The following ATOSA variants were observed in gnomAD, a reference collection of about 807,000 sequenced individuals.
ATOSA encodes the protein atos homolog A.
chr15:52,597,642 G>A, the ATOSA span, among the ~76,000 whole-genome samples: 1 of 152,176 alleles, frequency 6.6e-6, no homozygotes, highest in Non-Finnish European at 1.5e-5. Context: ...TCCAATGGTT[G>A]TATTATGCTG....
chr15:52,647,160 G>A, the ATOSA span, among the ~76,000 whole-genome samples: 1 of 151,798 alleles, frequency 6.6e-6, no homozygotes, highest in South Asian at 2.1e-4. Flanking sequence ...AAATACTTTT[G>A]TTTTGTTTTA....
the ATOSA span, chr15:52,679,190 C>G: frequency 1.3e-5 from 2 of 153,622 alleles, no homozygotes; most frequent in African/African-American, 4.8e-5. Context: ...GCTCCCTGCG[C>G]TCAGCCCCTC....
chr15:52,692,210 G>C, the ATOSA span, among the ~76,000 whole-genome samples: 5 of 152,120 alleles, frequency 3.3e-5, no homozygotes, highest in Non-Finnish European at 7.4e-5. Context: ...TAGGAATATA[G>C]GACTGCTTCA....
chr15:52,701,615 A>T, the ATOSA span, among the ~76,000 whole-genome samples: 2 of 152,220 alleles, frequency 1.3e-5, no homozygotes, highest in Non-Finnish European at 2.9e-5. Flanking sequence ...AAGCAAAATT[A>T]TACTAATAGA....
At chr15:52,663,724 G>A in the ATOSA span, among the ~76,000 whole-genome samples, 1 of 152,086 alleles carries the variant, frequency 6.6e-6, no homozygotes, top group Non-Finnish European at 1.5e-5. Flanking sequence ...CAGCTCAAGT[G>A]ATCCTCCCAT....
the ATOSA span, chr15:52,651,921 A>G: frequency 6.5e-7 from 1 of 1,535,500 alleles, no homozygotes; most frequent in Non-Finnish European, 8.7e-7. Context: ...GAATCCTTGT[A>G]TAAAGGAAGT....
At chr15:52,605,196 G>A in the ATOSA span, 6 of 1,611,086 alleles carry the variant, frequency 3.7e-6, no homozygotes, top group Non-Finnish European at 4.2e-6. Flanking sequence ...TTCCATCCAA[G>A]GAATGAAAAT....
chr15:52,660,066 A>C, the ATOSA span, among the ~76,000 whole-genome samples: 1 of 152,232 alleles, frequency 6.6e-6, no homozygotes. Flanking sequence ...TAAATTTTTT[A>C]AGCGTGAATT....
the ATOSA span, among the ~76,000 whole-genome samples, chr15:52,638,045 G>A: frequency 6.6e-6 from 1 of 152,102 alleles, no homozygotes; most frequent in African/African-American, 2.4e-5. Flanking sequence ...TCTGATCTCA[G>A]TAAGAAAATA....
the ATOSA span, among the ~76,000 whole-genome samples, chr15:52,687,386 C>T: frequency 3.3e-5 from 5 of 152,212 alleles, no homozygotes; most frequent in Non-Finnish European, 1.5e-5. Context: ...GCCTGGGCGA[C>T]AGAGCGAGAC....
At chr15:52,589,960 G>C in the ATOSA span, among the ~76,000 whole-genome samples, 1 of 151,844 alleles carries the variant, frequency 6.6e-6, no homozygotes, top group Non-Finnish European at 1.5e-5. Flanking sequence ...GCTAATTTTT[G>C]TGCTTTTAGT....
the ATOSA span, chr15:52,587,285 A>G: frequency 1.5e-6 from 2 of 1,301,690 alleles, no homozygotes; most frequent in South Asian, 2.6e-5. Flanking sequence ...CTAAAATAAG[A>G]ATAACTCATG....
the ATOSA span, chr15:52,677,943 C>G: frequency 2.5e-6 from 4 of 1,601,372 alleles, no homozygotes; most frequent in East Asian, 2.2e-5. Context: ...GTTAACACTT[C>G]TAAATTGAGG....
chr15:52,691,652 T>C, the ATOSA span, among the ~76,000 whole-genome samples: 1 of 151,854 alleles, frequency 6.6e-6, no homozygotes, highest in Non-Finnish European at 1.5e-5. Flanking sequence ...CTGGACAACA[T>C]AGTGAGACTC....
At chr15:52,683,060 C>T in the ATOSA span, among the ~76,000 whole-genome samples, 1 of 152,162 alleles carries the variant, frequency 6.6e-6, no homozygotes, top group Non-Finnish European at 1.5e-5. Flanking sequence ...CTTAGAAATA[C>T]AAGGGCCTCT....
chr15:52,596,439 G>T, the ATOSA span, among the ~76,000 whole-genome samples: 1 of 152,170 alleles, frequency 6.6e-6, no homozygotes, highest in Non-Finnish European at 1.5e-5. Context: ...ACATCCATAT[G>T]CGTAAAAGGG....
the ATOSA span, among the ~76,000 whole-genome samples, chr15:52,694,007 C>T: frequency 6.6e-6 from 1 of 152,104 alleles, no homozygotes; most frequent in Non-Finnish European, 1.5e-5. Context: ...GGGTTAAGTG[C>T]ACCATATGGT....
At chr15:52,603,545 G>A in the ATOSA span, among the ~76,000 whole-genome samples, 2 of 152,176 alleles carry the variant, frequency 1.3e-5, no homozygotes, top group Non-Finnish European at 2.9e-5. Flanking sequence ...AATGTTTAGT[G>A]CAGCACCATT....
the ATOSA span, among the ~76,000 whole-genome samples, chr15:52,700,924 T>C: frequency 6.6e-6 from 1 of 152,208 alleles, no homozygotes; most frequent in African/African-American, 2.4e-5. Context: ...AGTTAACTTA[T>C]AAATTTAACA....
Sources: gnomAD v4.1 joint callset for allele counts (sites outside exome capture counted in the v4.1 genomes callset) on GRCh38, gnomAD v4.1.1 for gene constraint, MANE v1.5 for transcripts, NCBI Gene and HGNC (gene_info 2026-07-23, HGNC 2026-07-21) for gene names.